TMEM135: variants seen among roughly 807,000 people sequenced by gnomAD.
TMEM135 encodes peroxisomal membrane protein 52.
Under a neutral mutation model 60.3 loss-of-function variants are expected in TMEM135, and 30 were observed. The ratio of observed to expected loss-of-function variants is 0.50; its 90% CI spans 0.37 to 0.68. The LOEUF is 0.68. TMEM135 is among the 30% of genes least tolerant of loss of function. The pLI, the probability that TMEM135 is intolerant of heterozygous loss-of-function variation, is 0.00. For missense variants in TMEM135, 468 were observed against 548.8 expected (o/e 0.85, Z 1.47); for synonymous variants, 190 against 186.7 (o/e 1.02, Z -0.14).
At chr11:87,232,597 A>T (rs1940913279) in intron 5 of TMEM135, among the ~76,000 whole-genome samples, 2 of 152,138 alleles carry the variant, frequency 1.3e-5, no homozygotes. Flanking sequence ...AAATGAAAAA[A>T]CTTTTTGCAG....
At chr11:87,225,820 G>A (rs899119191) in intron 5 of TMEM135, among the ~76,000 whole-genome samples, 1 of 152,100 alleles carries the variant, frequency 6.6e-6, no homozygotes, top group Non-Finnish European at 1.5e-5. Flanking sequence ...GATTTTAGGT[G>A]AGTACCCTAA....
At chr11:87,126,788 A>G (rs1937746602) in intron 4 of TMEM135, among the ~76,000 whole-genome samples, 1 of 152,134 alleles carries the variant, frequency 6.6e-6, no homozygotes, top group Admixed American at 6.6e-5. Flanking sequence ...GCTGGTTTTA[A>G]TTACTAAGTA....
intron 1 of TMEM135, among the ~76,000 whole-genome samples, chr11:87,056,330 C>T (rs1949894124): frequency 6.6e-6 from 1 of 152,148 alleles, no homozygotes; most frequent in South Asian, 2.1e-4. Context: ...CAAAATGGAG[C>T]CTCTCTGGCT....
At chr11:87,214,685 T>C (rs1245534571) in intron 5 of TMEM135, among the ~76,000 whole-genome samples, 5 of 152,140 alleles carry the variant, frequency 3.3e-5, no homozygotes, top group African/African-American at 7.2e-5. Flanking sequence ...TAAAGCTTTT[T>C]CCCCCTATAT....
chr11:87,099,168 C>T (rs938786529), intron 4 of TMEM135, among the ~76,000 whole-genome samples: 3 of 152,040 alleles, frequency 2.0e-5, no homozygotes, highest in Admixed American at 6.6e-5. Flanking sequence ...AAATACTGTG[C>T]GTATTCATAC....
chr11:87,302,470 C>T, intron 8 of TMEM135, 28 bp downstream of exon 8: 1 of 1,613,292 alleles, frequency 6.2e-7, no homozygotes, highest in Non-Finnish European at 8.5e-7. Context: ...ATATTTTAAC[C>T]TGCTTTGTCA....
chr11:87,269,188 T>C (rs968306888), intron 6 of TMEM135, among the ~76,000 whole-genome samples: 3 of 151,176 alleles, frequency 2.0e-5, no homozygotes, highest in Non-Finnish European at 4.4e-5. Context: ...GCTTAGAGTT[T>C]CCCCCCTACT....
intron 14 of TMEM135, among the ~76,000 whole-genome samples, chr11:87,320,092 A>T (rs1396406201): frequency 6.6e-6 from 1 of 152,198 alleles, no homozygotes; most frequent in Non-Finnish European, 1.5e-5. Flanking sequence ...AGCAAATACT[A>T]GTATAGTGCT....
intron 5 of TMEM135, among the ~76,000 whole-genome samples, chr11:87,184,655 T>C (rs1436020387): frequency 6.6e-6 from 1 of 152,150 alleles, no homozygotes; most frequent in African/African-American, 2.4e-5. Context: ...TTAAATAGTA[T>C]TGTGTTATAT....
At chr11:87,190,781 T>C (rs2135316257) in intron 5 of TMEM135, among the ~76,000 whole-genome samples, 1 of 152,338 alleles carries the variant, frequency 6.6e-6, no homozygotes, top group South Asian at 2.1e-4. Context: ...ATGAGTTTAT[T>C]ATTTTTGCAA....
intron 4 of TMEM135, among the ~76,000 whole-genome samples, chr11:87,114,142 C>T (rs1233968178): frequency 6.6e-6 from 1 of 151,964 alleles, no homozygotes. Flanking sequence ...CTCATCTAGT[C>T]TCTCTTGAAG....
intron 4 of TMEM135, among the ~76,000 whole-genome samples, chr11:87,116,358 T>G (rs1174713477): frequency 6.6e-6 from 1 of 152,190 alleles, no homozygotes; most frequent in African/African-American, 2.4e-5. Flanking sequence ...TCAATCAGAA[T>G]ATGGAAGTCA....
intron 5 of TMEM135, among the ~76,000 whole-genome samples, chr11:87,227,403 C>A: frequency 6.6e-6 from 1 of 151,920 alleles, no homozygotes. Context: ...CAGTCTTAAC[C>A]TGGAGACCCA....
chr11:87,123,445 C>G (rs1290052811), intron 4 of TMEM135, among the ~76,000 whole-genome samples: 1 of 152,148 alleles, frequency 6.6e-6, no homozygotes, highest in Non-Finnish European at 1.5e-5. Context: ...CCTCTTCTTT[C>G]TCTTATAAAG....
At chr11:87,128,124 A>G (rs1029896098) in intron 4 of TMEM135, among the ~76,000 whole-genome samples, 3 of 152,172 alleles carry the variant, frequency 2.0e-5, no homozygotes, top group Non-Finnish European at 2.9e-5. Flanking sequence ...TAATAGTGGT[A>G]TGGTCTAGTA....
chr11:87,115,881 A>G (rs1857866078), intron 4 of TMEM135, among the ~76,000 whole-genome samples: 1 of 152,110 alleles, frequency 6.6e-6, no homozygotes, highest in Admixed American at 6.5e-5. Flanking sequence ...AACTTGTAGC[A>G]TAGTCTTAGA....
At chr11:87,067,424 T>C (rs534168870) in intron 1 of TMEM135, among the ~76,000 whole-genome samples, 2 of 152,156 alleles carry the variant, frequency 1.3e-5, no homozygotes, top group South Asian at 4.1e-4. Flanking sequence ...TTAAAATTGT[T>C]TTAAGGCATT....
At position 87,328,730 on chromosome 11, in the gene TMEM135, T is replaced by G. The variant is rs1354081607; in HGVS notation, c.*7397T>G. The G allele has an allele frequency of 6.6e-6, 3 of 454,036 alleles. No individual in the cohort carries two copies. The East Asian group carries it at 2.1e-4, about 32-fold the overall frequency. The allele number at this position is 454,036 out of a possible 1,614,324, so 28.1% of individuals were successfully genotyped here. ...TCCATGGTGCATATATACCACATTT[T>G]CTTTATCCACTCATTGGTCTATGGG... On this transcript the variant is annotated 3_prime_UTR_variant, in exon 15 of 15. Transcript: ENST00000305494.
intron 4 of TMEM135, among the ~76,000 whole-genome samples, chr11:87,100,477 C>A (rs1857432657): frequency 6.6e-6 from 1 of 152,102 alleles, no homozygotes; most frequent in African/African-American, 2.4e-5. Context: ...GCTTATGAGA[C>A]TAAGTTGAAA....
Sources: gnomAD v4.1 joint callset for allele counts (sites outside exome capture counted in the v4.1 genomes callset) on GRCh38, gnomAD v4.1.1 for gene constraint, MANE v1.5 for transcripts, NCBI Gene and HGNC (gene_info 2026-07-23, HGNC 2026-07-21) for gene names.